The following NGEF variants were observed in gnomAD, a reference collection of about 807,000 sequenced individuals.
NGEF encodes neuronal guanine nucleotide exchange factor, also known as ephexin-1.
NGEF carries 31 observed loss-of-function variants against 80.9 expected under a neutral mutation model. That is an observed-to-expected ratio of 0.38 (90% confidence interval 0.29 to 0.52). The LOEUF is 0.52. Among genes scored for constraint, NGEF ranks in the 20% least tolerant of loss-of-function variants. NGEF has a pLI of 0.84. For missense variants in NGEF, 709 were observed against 926.2 expected (o/e 0.77, Z 3.04); for synonymous variants, 371 against 370.2 (o/e 1.00, Z -0.03).
chr2:232,899,615 C>T (rs13032999), intron 5 of NGEF, among the ~76,000 whole-genome samples: 1 of 148,956 alleles, frequency 6.7e-6, no homozygotes, highest in Non-Finnish European at 1.5e-5. Flanking sequence ...TTCACTCACA[C>T]ACACATGCTC....
chr2:232,945,113 A>G (rs2106300689), intron 3 of NGEF, among the ~76,000 whole-genome samples: 1 of 152,270 alleles, frequency 6.6e-6, no homozygotes, highest in Non-Finnish European at 1.5e-5. Context: ...AAGAAATCTA[A>G]AAGTATGAAA....
intron 5 of NGEF, among the ~76,000 whole-genome samples, chr2:232,897,241 C>T (rs4973566): frequency 0.59 from 89,435 of 151,574 alleles, 27,431 homozygotes; most frequent in East Asian, 0.76. Flanking sequence ...GACCCAGGGC[C>T]CAGGGCTTTG....
At chr2:233,002,137 C>T (rs1694992046) in intron 1 of NGEF, among the ~76,000 whole-genome samples, 1 of 152,150 alleles carries the variant, frequency 6.6e-6, no homozygotes, top group South Asian at 2.1e-4. Flanking sequence ...TCCTCCTGTC[C>T]TCCTTCCAGC....
At chr2:232,961,538 G>A (rs1693952028) in intron 3 of NGEF, among the ~76,000 whole-genome samples, 1 of 152,028 alleles carries the variant, frequency 6.6e-6, no homozygotes, top group Non-Finnish European at 1.5e-5. Flanking sequence ...TGTCGCCCAG[G>A]CTGGAGTGCA....
chr2:232,953,007 A>C (rs75323940), intron 3 of NGEF, among the ~76,000 whole-genome samples: 1 of 137,622 alleles, frequency 7.3e-6, no homozygotes, highest in African/African-American at 2.7e-5. Flanking sequence ...AACAACAAAA[A>C]AGCAAAGTGA....
chr2:232,931,245 C>T (rs1693211118), intron 3 of NGEF, among the ~76,000 whole-genome samples: 1 of 152,152 alleles, frequency 6.6e-6, no homozygotes, highest in Non-Finnish European at 1.5e-5. Flanking sequence ...CTGCAGTGCC[C>T]ACTGGTGTGG....
chr2:232,954,077 G>A (rs773941853), intron 3 of NGEF, among the ~76,000 whole-genome samples: 10 of 152,152 alleles, frequency 6.6e-5, no homozygotes, highest in South Asian at 2.1e-4. Flanking sequence ...AATGTCTACC[G>A]AGGGAGCTGT....
rs376950839 is a variant in NGEF at position 232,879,686 on chromosome 2, A to G, written c.1943-7T>C. ...CGCTCGCCAAAGATCCACCCTGTGCAGGGAGGGGAGGGAGAGAAGGTCAGT... is the reference window on the plus strand; with the variant it reads ...CGCTCGCCAAAGATCCACCCTGTGCGGGGAGGGGAGGGAGAGAAGGTCAGT... On this transcript the variant is annotated splice_region_variant and splice_polypyrimidine_tract_variant and intron_variant, in intron 14 of 14. Coordinates refer to ENST00000264051, the MANE Select transcript of NGEF (RefSeq NM_019850.3). 1 of 1,603,918 alleles carries G rather than the reference A, an allele frequency of 6.2e-7. No individual in the cohort carries two copies. Among genetic ancestry groups the G allele is most frequent in the Middle Eastern group, 1.7e-4 (1 of 6,046 alleles).
chr2:233,006,108 G>T (rs756758881), intron 1 of NGEF, among the ~76,000 whole-genome samples: 7 of 152,158 alleles, frequency 4.6e-5, no homozygotes, highest in Non-Finnish European at 7.3e-5. Context: ...GAGCCACTGC[G>T]CCTGGCCTGC....
At chr2:232,943,395 T>G (rs554376715) in intron 3 of NGEF, among the ~76,000 whole-genome samples, 1 of 152,190 alleles carries the variant, frequency 6.6e-6, no homozygotes, top group Admixed American at 6.5e-5. Flanking sequence ...TGAAAACTCC[T>G]GAGAATATAT....
chr2:232,926,338 A>ATTT (rs3038717), intron 4 of NGEF, among the ~76,000 whole-genome samples: 4 of 148,920 alleles, frequency 2.7e-5, no homozygotes, highest in Admixed American at 2.7e-4. Flanking sequence ...GTCACTAGCG[A>ATTT]TTTTTTTTTT....
At chr2:232,971,709 C>T (rs1694187780) in intron 2 of NGEF, among the ~76,000 whole-genome samples, 1 of 152,138 alleles carries the variant, frequency 6.6e-6, no homozygotes, top group Non-Finnish European at 1.5e-5. Context: ...ACAACCCCTG[C>T]AAATCTGATG....
At chr2:232,988,818 A>C (rs1336334774) in intron 1 of NGEF, among the ~76,000 whole-genome samples, 1 of 152,230 alleles carries the variant, frequency 6.6e-6, no homozygotes, top group African/African-American at 2.4e-5. Context: ...GAGATGATGC[A>C]GTTGTAAAAG....
intron 1 of NGEF, among the ~76,000 whole-genome samples, chr2:232,980,830 C>G (rs1180066254): frequency 1.3e-5 from 2 of 152,172 alleles, no homozygotes; most frequent in African/African-American, 4.8e-5. Context: ...CTAGAGCCCC[C>G]TCAGGCAAAG....
intron 3 of NGEF, among the ~76,000 whole-genome samples, chr2:232,934,113 G>A (rs1213188632): frequency 1.3e-5 from 2 of 151,996 alleles, no homozygotes; most frequent in African/African-American, 4.8e-5. Context: ...GTGATGGCAC[G>A]CACCTGTAGT....
chr2:232,912,805 A>T (rs549281267), intron 5 of NGEF, among the ~76,000 whole-genome samples: 1 of 152,318 alleles, frequency 6.6e-6, no homozygotes, highest in South Asian at 2.1e-4. Flanking sequence ...AGAATTGTTC[A>T]TAATATTTCC....
chr2:232,961,257 G>A (rs971875052), intron 3 of NGEF, among the ~76,000 whole-genome samples: 1 of 152,084 alleles, frequency 6.6e-6, no homozygotes, highest in African/African-American at 2.4e-5. Context: ...TCCATTCTCT[G>A]CTCTTACCTC....
At chr2:232,974,297 G>A (rs540071461) in intron 2 of NGEF, among the ~76,000 whole-genome samples, 11 of 151,892 alleles carry the variant, frequency 7.2e-5, no homozygotes, top group South Asian at 2.1e-4. Context: ...CAGATGACCC[G>A]TAATGTGGAT....
chr2:232,950,904 A>C (rs1348446656), intron 3 of NGEF, among the ~76,000 whole-genome samples: 1 of 152,246 alleles, frequency 6.6e-6, no homozygotes, highest in Non-Finnish European at 1.5e-5. Flanking sequence ...GGAACAGCTG[A>C]TGAATGTACA....
Sources: allele counts gnomAD v4.1 joint callset (sites outside exome capture counted in the v4.1 genomes callset), GRCh38; gene constraint gnomAD v4.1.1; transcripts MANE v1.5; gene names NCBI Gene and HGNC (gene_info 2026-07-23, HGNC 2026-07-21).